Variants in BCL2L11 observed in about 807,000 individuals in gnomAD.
The protein encoded by BCL2L11 is BCL2 like 11.
A neutral mutation model predicts 20.6 loss-of-function variants in BCL2L11; 15 were observed. The ratio of observed to expected loss-of-function variants is 0.73; its 90% CI spans 0.49 to 1.12. The LOEUF is 1.12. Ranked by LOEUF, BCL2L11 falls within the 50% of genes most tolerant of loss-of-function variation. BCL2L11 has a pLI of 0.00. For synonymous variants in BCL2L11, 108 were observed against 92.8 expected, an observed-to-expected ratio of 1.16 and a Z score of -0.94; for missense variants, 292 against 260.9, an observed-to-expected ratio of 1.12 and a Z score of -0.82.
chr2:111,126,852 G>A (rs2072735530), intron 2 of BCL2L11, among the ~76,000 whole-genome samples: 1 of 152,128 alleles, frequency 6.6e-6, no homozygotes. Flanking sequence ...CCTTAGCCAG[G>A]GGCTCCTTTA....
At chr2:111,151,632 C>G (rs992552388) in intron 3 of BCL2L11, among the ~76,000 whole-genome samples, 5 of 152,116 alleles carry the variant, frequency 3.3e-5, no homozygotes, top group Non-Finnish European at 7.3e-5. Flanking sequence ...GACAAATAGA[C>G]ATTTTCCCAT....
In BCL2L11 at chr2:111,120,921, T is replaced by C. The variant is rs2070739233; in HGVS notation, c.-281T>C. 3 of 338,322 alleles carry C rather than the reference T, an allele frequency of 8.9e-6. No individual in the cohort carries two copies. The highest frequency in any genetic ancestry group is 1.6e-5 in the Non-Finnish European group (3 of 190,466). 21.0% of individuals were successfully genotyped at this position (338,322 alleles called of 1,614,324 possible). A position where few individuals can be genotyped will look rare whatever the true frequency, so the allele number is the denominator to read the frequency against. On this transcript the variant is annotated 5_prime_UTR_variant, in exon 1 of 4. Coordinates refer to ENST00000393256, the MANE Select transcript of BCL2L11 (RefSeq NM_138621.5). ...CAGGGCCGCGCAGGTTTCACTTCGC[T>C]CCGCGCAGCCGCCTGGTCTGCAGTT...
intron 2 of BCL2L11, among the ~76,000 whole-genome samples, chr2:111,147,960 A>G (rs2076780493): frequency 6.6e-6 from 1 of 152,152 alleles, no homozygotes; most frequent in Non-Finnish European, 1.5e-5. Context: ...TCCTAGAACA[A>G]TGTCAGGCAT....
chr2:111,136,203 G>T (rs2074854472), intron 2 of BCL2L11, among the ~76,000 whole-genome samples: 1 of 152,196 alleles, frequency 6.6e-6, no homozygotes, highest in Non-Finnish European at 1.5e-5. Flanking sequence ...CTCCCATGGA[G>T]CTGTTATCTA....
rs1257723757 is a variant in BCL2L11, at chr2:111,167,166, C to T, written c.*2935C>T. 1 of 152,556 alleles carries T rather than the reference C, an allele frequency of 6.6e-6. No individual in the cohort carries two copies. The highest frequency in any genetic ancestry group is 1.9e-4 in the East Asian group (1 of 5,204). The allele number at this position is 152,556 out of a possible 1,614,324, so 9.5% of individuals were successfully genotyped here. A position where few individuals can be genotyped will look rare whatever the true frequency, so the allele number is the denominator to read the frequency against. ...ACATCCCTGTCTCCCACTCCCCTGC[C>T]GTCCCATGAAGTTAACTCCTGAGAG... is the stretch of plus-strand genomic sequence containing the variant. On this transcript the variant is annotated 3_prime_UTR_variant, in exon 4 of 4. Transcript: ENST00000393256.
Position 111,164,233 on chromosome 2 carries a change from A to G in BCL2L11, c.*2A>G, listed in dbSNP as rs1416412923. On this transcript the variant is annotated 3_prime_UTR_variant, in exon 4 of 4. Transcript: ENST00000393256. ...CGCCTGGTGTGGAGAATGCATTGAC[A>G]GGTTCTTTGCGGAGCCGAGATACCA... is the stretch of plus-strand genomic sequence containing the variant. The G allele has an allele frequency of 3.4e-5, 55 of 1,601,538 alleles. No homozygotes were observed. Among genetic ancestry groups the G allele is most frequent in the Non-Finnish European group, 4.4e-5 (52 of 1,168,612 alleles).
chr2:111,135,954 C>G (rs2074800939), intron 2 of BCL2L11, among the ~76,000 whole-genome samples: 1 of 152,164 alleles, frequency 6.6e-6, no homozygotes, highest in African/African-American at 2.4e-5. Flanking sequence ...CAGGGAGGGT[C>G]TGGGAGATCG....
Position 111,153,930 on chromosome 2 carries a change from C to T in BCL2L11, c.498+3783C>T, listed in dbSNP as rs1198448740. ...GTGAGCGCAAAGTCCCAGTGCATGT[C>T]CCCTCTTCTCTCCCGATGCAGTGTC... On this transcript the variant is annotated intron_variant, in intron 3 of 3. Transcript: ENST00000393256. 5 of 1,508,090 alleles carry T rather than the reference C, an allele frequency of 3.3e-6. No individual in the cohort carries two copies. The East Asian group carries it at 1.0e-4, about 30-fold the overall frequency. 93.4% of individuals were successfully genotyped at this position (1,508,090 alleles called of 1,614,324 possible). A position where few individuals can be genotyped will look rare whatever the true frequency, so the allele number is the denominator to read the frequency against.
At chr2:111,164,079 C>CCA in intron 3 of BCL2L11, 54 bp from the exon 4 acceptor site, 1 of 743,024 alleles carries the variant, frequency 1.3e-6, no homozygotes, top group Non-Finnish European at 2.4e-6. Flanking sequence ...GCTCCCACCC[C>CCA]TCCCCACCCC....
chr2:111,121,558 T>A (rs1244545820), intron 1 of BCL2L11, among the ~76,000 whole-genome samples: 1 of 152,132 alleles, frequency 6.6e-6, no homozygotes, highest in Non-Finnish European at 1.5e-5. Flanking sequence ...TGCGCCCAGC[T>A]GGAAAGTCTC....
rs367737247 is a variant in BCL2L11, at chr2:111,147,327, A to ATCTCTCTCTC, written c.395-2706_395-2697dup. Among the ~76,000 whole-genome samples, 1,014 of 125,706 alleles carry ATCTCTCTCTC rather than the reference A, an allele frequency of 8.1e-3. 8 individuals are homozygous for ATCTCTCTCTC. Among genetic ancestry groups the ATCTCTCTCTC allele is most frequent in the Middle Eastern group, 0.016 (4 of 256 alleles). 82.5% of individuals were successfully genotyped at this position (125,706 alleles called of 152,430 possible). Reference sequence around the variant, plus strand: ...GACTTGAAAGAGTACAGCCTCCTGTATCTCTCTCTCTCTCTCTCTCACACA... The same window carrying ATCTCTCTCTC: ...GACTTGAAAGAGTACAGCCTCCTGTATCTCTCTCTCTCTCTCTCTCTCTCTCTCTCACACA... On this transcript the variant is annotated intron_variant, in intron 2 of 3. Transcript: ENST00000393256.
intron 3 of BCL2L11, among the ~76,000 whole-genome samples, chr2:111,155,362 G>T (rs2077699198): frequency 1.3e-5 from 2 of 152,268 alleles, no homozygotes; most frequent in South Asian, 2.1e-4. Flanking sequence ...GTGAGCGCAT[G>T]TACCGGTTCA....
chr2:111,138,457 G>T (rs1439067011), intron 2 of BCL2L11, among the ~76,000 whole-genome samples: 1 of 152,174 alleles, frequency 6.6e-6, no homozygotes, highest in African/African-American at 2.4e-5. Flanking sequence ...ATTCCCAGCA[G>T]CCTGTCACTG....
intron 2 of BCL2L11, among the ~76,000 whole-genome samples, 154 bp downstream of exon 2, chr2:111,124,293 CTTT>C (rs375204950): frequency 2.8e-5 from 4 of 142,776 alleles, no homozygotes; most frequent in African/African-American, 7.6e-5. Flanking sequence ...ATCAAACCAA[CTTT>C]TTTTTTTTTT....
chr2:111,130,518 G>T (rs1412768569), intron 2 of BCL2L11, among the ~76,000 whole-genome samples: 2 of 152,212 alleles, frequency 1.3e-5, no homozygotes, highest in Non-Finnish European at 2.9e-5. Flanking sequence ...GTTTTTCATA[G>T]ATTTCCTGGG....
intron 2 of BCL2L11, among the ~76,000 whole-genome samples, chr2:111,137,138 A>G (rs1458135930): frequency 2.0e-5 from 3 of 152,188 alleles, no homozygotes; most frequent in Non-Finnish European, 2.9e-5. Context: ...TTATATTTAG[A>G]GTACTTGTAG....
chr2:111,151,136 C>A (rs1043217783), intron 3 of BCL2L11, among the ~76,000 whole-genome samples: 1 of 152,098 alleles, frequency 6.6e-6, no homozygotes, highest in African/African-American at 2.4e-5. Flanking sequence ...TTTCCTGACT[C>A]TGTGATCTGC....
chr2:111,156,048 T>C (rs1427744686), intron 3 of BCL2L11, among the ~76,000 whole-genome samples: 1 of 152,246 alleles, frequency 6.6e-6, no homozygotes. Context: ...TCCCCAGTGC[T>C]ATCTCATTCT....
chr2:111,154,086 C>G (rs751612442), intron 3 of BCL2L11, among the ~76,000 whole-genome samples: 1 of 152,172 alleles, frequency 6.6e-6, no homozygotes, highest in Non-Finnish European at 1.5e-5. Context: ...AAGAATGACA[C>G]AAAGAACCAC....
Sources: allele counts gnomAD v4.1 joint callset (sites outside exome capture counted in the v4.1 genomes callset), GRCh38; gene constraint gnomAD v4.1.1; transcripts MANE v1.5; gene names NCBI Gene and HGNC (gene_info 2026-07-23, HGNC 2026-07-21).